The following SPNS3 variants were observed in gnomAD, a reference collection of about 807,000 sequenced individuals.
The protein encoded by SPNS3 is protein spinster homolog 3.
Under a neutral mutation model 54.4 loss-of-function variants are expected in SPNS3, and 51 were observed. That is an observed-to-expected ratio of 0.94 (90% confidence interval 0.75 to 1.18). The LOEUF is 1.18. Among genes scored for constraint, SPNS3 ranks in the 50% most tolerant of loss-of-function variants. SPNS3 has a pLI of 0.00. For missense variants in SPNS3, 669 were observed against 677.4 expected (o/e 0.99, Z 0.14); for synonymous variants, 309 against 294.7 (o/e 1.05, Z -0.50).
In SPNS3 at chr17:4,449,262, A is replaced by T; in HGVS notation, c.798A>T (p.Gly266=). The T allele has an allele frequency of 6.2e-7, 1 of 1,612,106 alleles. No individual in the cohort carries two copies. Residue 266 remains glycine (G), a synonymous_variant, in exon 7 of 12, where the codon GGA becomes GGT. Transcript: ENST00000355530. ...GGAGTTTCGTGTGGTCGACCCTCGG[A>T]GTGACCGCCATGGCCTTTGTGACTG... ...KNWSFVWSTL[G]VTAMAFVTGA... is the part of the protein sequence containing the mutation.
chr17:4,472,188 CCCTT>C (rs1406855722), intron 8 of SPNS3, among the ~76,000 whole-genome samples: 6 of 152,128 alleles, frequency 3.9e-5, no homozygotes, highest in South Asian at 2.1e-4. Flanking sequence ...TTGTCTCCCT[CCCTT>C]CCTTCCTTCT....
At chr17:4,455,661 T>TC (rs141559579) in intron 8 of SPNS3, among the ~76,000 whole-genome samples, 19,882 of 151,884 alleles carry the variant, frequency 0.13, 1,388 homozygotes, top group Middle Eastern at 0.2. Context: ...AAGGGAGGCC[T>TC]CCCCCACTGC....
chr17:4,444,969 C>G (rs946286768), intron 2 of SPNS3, 63 bp from the exon 3 acceptor site: 7 of 1,553,616 alleles, frequency 4.5e-6, no homozygotes, highest in Non-Finnish European at 6.1e-6. Context: ...CCTGGGCCTG[C>G]TGGGCCATCT....
chr17:4,484,710 T>G (rs957031074), intron 9 of SPNS3, among the ~76,000 whole-genome samples: 1 of 152,036 alleles, frequency 6.6e-6, no homozygotes, highest in African/African-American at 2.4e-5. Context: ...GCTGTCCAGT[T>G]GGGTTCATGT....
At chr17:4,465,995 G>C (rs1163410197) in intron 8 of SPNS3, among the ~76,000 whole-genome samples, 5 of 152,322 alleles carry the variant, frequency 3.3e-5, no homozygotes, top group Admixed American at 6.5e-5. Context: ...CCGGACTCGA[G>C]TGCTCACCCT....
In SPNS3 at chr17:4,448,243, A is replaced by C; in HGVS notation, c.710A>C (p.Glu237Ala). Residue 237 changes from glutamate (E) to alanine (A), a missense_variant, in exon 6 of 12, where the codon GAG becomes GCG. By Grantham distance (107) the Glu-to-Ala change is moderately radical. Coordinates refer to ENST00000355530, the MANE Select transcript of SPNS3 (RefSeq NM_182538.5). ...CGGGGAGCTGCCGAGACACAGGGGG[A>C]GGGGGCCGTGGGAGGCTTCAGGAGC... ...PPRGAAETQGEGAVGGFRSSW... is the reference protein window; with the variant it reads ...PPRGAAETQGAGAVGGFRSSW... The C allele has an allele frequency of 6.3e-7, 1 of 1,596,964 alleles. No individual in the cohort carries two copies. Among genetic ancestry groups the C allele is most frequent in the Non-Finnish European group, 8.5e-7 (1 of 1,172,606 alleles).
rs1478415776 is a variant in SPNS3, at chr17:4,438,483, G to A, written c.200-1175G>A. ...ACAGGGCCAGAGCCGCATGGCTCAC[G>A]TGAGCAGGTGCTGCAGACCCCGACC... On this transcript the variant is annotated intron_variant, in intron 1 of 11. Transcript: ENST00000355530. Among the ~76,000 whole-genome samples, 4 of 152,200 alleles carry A rather than the reference G, an allele frequency of 2.6e-5. No homozygotes were observed. The South Asian group carries it at 6.2e-4, about 24-fold the overall frequency.
chr17:4,435,447 A>AAAAAAAAT (rs1567550472), intron 1 of SPNS3, among the ~76,000 whole-genome samples: 1 of 148,284 alleles, frequency 6.7e-6, no homozygotes, highest in African/African-American at 2.5e-5. Flanking sequence ...TCTCAAAAAA[A>AAAAAAAAT]AAAAAATAAA....
intron 5 of SPNS3, 108 bp downstream of exon 5, chr17:4,447,070 GGACGGGGGGT>G: frequency 9.2e-7 from 1 of 1,092,736 alleles, no homozygotes; most frequent in Non-Finnish European, 1.3e-6. Context: ...GCCATTAGGG[GGACGGGGGGT>G]GGTGGTCAGG....
intron 8 of SPNS3, among the ~76,000 whole-genome samples, chr17:4,456,178 C>G (rs1971309717): frequency 6.6e-6 from 1 of 152,124 alleles, no homozygotes; most frequent in African/African-American, 2.4e-5. Flanking sequence ...TCTCGAACCC[C>G]TGTCCTCAAG....
intron 1 of SPNS3, among the ~76,000 whole-genome samples, chr17:4,434,378 G>A (rs753304993): frequency 6.6e-6 from 1 of 152,240 alleles, no homozygotes; most frequent in South Asian, 2.1e-4. Flanking sequence ...AAGGGACACA[G>A]GCTGGGCATG....
chr17:4,487,872 G>A lies in SPNS3; in HGVS notation c.1517G>A (p.Gly506Asp), dbSNP rs371632968. The change falls in exon 12 of 12, where the codon GGC becomes GAC. Residue 506 changes from glycine to aspartate, a missense_variant. Coordinates refer to ENST00000355530, the MANE Select transcript of SPNS3 (RefSeq NM_182538.5). ...LERQGLLSGA[G>D]ASTEEP ...AGACAAGGCCTACTTTCGGGCGCTG[G>A]CGCCTCTACAGAGGAGCCCTGAGGT... 5.6e-6 allele frequency: 9 copies of A among 1,613,954 alleles called. No individual in the cohort carries two copies. Among genetic ancestry groups the A allele is most frequent in the Non-Finnish European group, 5.9e-6 (7 of 1,179,914 alleles).
Position 4,453,152 on chromosome 17 carries a change from C to G in SPNS3, c.1060C>G (p.Pro354Ala). 6.2e-7 allele frequency: 1 copy of G among 1,613,982 alleles called. No individual in the cohort carries two copies. Among genetic ancestry groups the G allele is most frequent in the Non-Finnish European group, 8.5e-7 (1 of 1,179,968 alleles). ...CGCCTCCAGCCTGCTTGCCACAGCC[C>G]CCTGCCTCTACCTGGCTCTCGTCCT... ...ICASSLLATA[P>A]CLYLALVLAP... Residue 354 changes from proline (P) to alanine (A), a missense_variant, in exon 8 of 12, where the codon CCC (proline) becomes GCC (alanine). Pro to Ala is a conservative substitution (Grantham distance 27). Transcript: ENST00000355530.
At chr17:4,475,930 A>G (rs925359692) in intron 8 of SPNS3, among the ~76,000 whole-genome samples, 2 of 152,202 alleles carry the variant, frequency 1.3e-5, no homozygotes, top group South Asian at 4.1e-4. Context: ...CGGGGTTACC[A>G]TCTTAACAAG....
chr17:4,469,931 G>A (rs773720422), intron 8 of SPNS3, among the ~76,000 whole-genome samples: 1 of 152,032 alleles, frequency 6.6e-6, no homozygotes, highest in African/African-American at 2.4e-5. Context: ...GAAAATAACC[G>A]TTATTCACGT....
chr17:4,442,978 C>T (rs1408001630), intron 2 of SPNS3, among the ~76,000 whole-genome samples: 4 of 152,146 alleles, frequency 2.6e-5, no homozygotes, highest in African/African-American at 7.2e-5. Flanking sequence ...ATTCACAGAG[C>T]GTCTGCAGGT....
chr17:4,435,639 C>G (rs1970696464), intron 1 of SPNS3, among the ~76,000 whole-genome samples: 1 of 151,988 alleles, frequency 6.6e-6, no homozygotes, highest in African/African-American at 2.4e-5. Flanking sequence ...ATAGCTCCTG[C>G]TGGCTGTGTT....
rs764548662 is a variant in SPNS3 at position 4,486,248 on chromosome 17, C to A, written c.1200C>A (p.Cys400Ter). The A allele has an allele frequency of 5.1e-6, 8 of 1,567,512 alleles. No individual in the cohort carries two copies. In the South Asian group the frequency reaches 8.4e-5, roughly 16 times the overall value. The stretch of plus-strand genomic sequence containing the variant: ...TGCAGTCTGTGGTGGTGCCCAGATG[C>A]CGGGGGACGGCAGAGGCACTTCAGA... The part of the protein sequence containing the change: ...DILLSVVVPR[C>*]RGTAEALQIT... Residue 400 changes from cysteine to a stop codon, truncating the protein, a stop_gained, in exon 10 of 12, where the codon TGC (cysteine) becomes TGA (stop). Coordinates refer to ENST00000355530, the MANE Select transcript of SPNS3 (RefSeq NM_182538.5). LOFTEE classifies it high-confidence loss of function. The surrounding 1 kb of genome is among the most constrained non-coding windows in gnomAD (Gnocchi z 5.5).
At chr17:4,467,826 C>T (rs8079863) in intron 8 of SPNS3, among the ~76,000 whole-genome samples, 23,296 of 152,080 alleles carry the variant, frequency 0.15, 1,816 homozygotes, top group Middle Eastern at 0.23. Flanking sequence ...CCACCATGCC[C>T]GGCTAATTTT....
Sources: gnomAD v4.1 joint callset for allele counts (sites outside exome capture counted in the v4.1 genomes callset) on GRCh38, gnomAD v4.1.1 for gene constraint, Gnocchi (gnomAD v3.1) non-coding constraint, MANE v1.5 for transcripts, NCBI Gene and HGNC (gene_info 2026-07-23, HGNC 2026-07-21) for gene names.